DIP2B: variants seen among roughly 807,000 people sequenced by gnomAD.
The protein encoded by DIP2B is disco-interacting protein 2 homolog B.
Under a neutral mutation model 198.0 loss-of-function variants are expected in DIP2B, and 76 were observed. The observed-to-expected ratio is 0.38, with a 90% CI of 0.32 to 0.46. The LOEUF is 0.46. Ranked by LOEUF, DIP2B falls within the 20% of genes least tolerant of loss-of-function variation. The probability of loss-of-function intolerance (pLI) is 0.99; values close to 1 mark genes in which losing one functional copy is unlikely to be tolerated. For missense variants in DIP2B, 1,559 were observed against 1,978.4 expected (o/e 0.79, Z 4.02); for synonymous variants, 701 against 739.1 (o/e 0.95, Z 0.84).
chr12:50,515,547 C>G (rs181755001), intron 1 of DIP2B, among the ~76,000 whole-genome samples: 1 of 152,294 alleles, frequency 6.6e-6, no homozygotes, highest in African/African-American at 2.4e-5. Context: ...GGACTGGTAT[C>G]TTTATGAAAC....
intron 7 of DIP2B, among the ~76,000 whole-genome samples, chr12:50,678,392 A>C (rs889235259): frequency 6.6e-6 from 1 of 152,184 alleles, no homozygotes; most frequent in African/African-American, 2.4e-5. Context: ...AAAATTGTGA[A>C]ATTGCTACAA....
intron 1 of DIP2B, among the ~76,000 whole-genome samples, chr12:50,531,553 A>G (rs1958217289): frequency 6.6e-6 from 1 of 152,214 alleles, no homozygotes; most frequent in Admixed American, 6.5e-5. Flanking sequence ...TTGAGATTAC[A>G]AGCAGAGGTC....
At chr12:50,698,512 A>G (rs1939358555) in intron 18 of DIP2B, 45 bp downstream of exon 18, 1 of 1,593,062 alleles carries the variant, frequency 6.3e-7, no homozygotes, top group Non-Finnish European at 8.6e-7. Context: ...AAGATTTGTC[A>G]TCAGAGATAA....
At chr12:50,678,914 G>A (rs1002458090) in intron 8 of DIP2B, 38 bp downstream of exon 8, 2 of 1,610,114 alleles carry the variant, frequency 1.2e-6, no homozygotes, top group Admixed American at 1.7e-5. Flanking sequence ...TCTCCTGAGA[G>A]TTCTTCAGAA....
At chr12:50,536,629 G>A (rs559271016) in intron 1 of DIP2B, among the ~76,000 whole-genome samples, 2 of 150,974 alleles carry the variant, frequency 1.3e-5, no homozygotes, top group African/African-American at 4.9e-5. Flanking sequence ...GTGCAGTGGC[G>A]TGGTCTTGGC....
rs1409547611 is a variant in DIP2B at position 50,747,530 on chromosome 12, C to T, written c.*2691C>T. 6.6e-6 allele frequency: 1 copy of T among 152,174 alleles called. No homozygotes were observed. Among genetic ancestry groups the T allele is most frequent in the Non-Finnish European group, 1.5e-5 (1 of 68,040 alleles). The allele number at this position is 152,174 out of a possible 1,614,324, so 9.4% of individuals were successfully genotyped here. ...GCTTAGATGGTGTTTGTGGGATCAC[C>T]TGCAGATTTAAAGCCTACTCTGCCA... On this transcript the variant is annotated 3_prime_UTR_variant, in exon 38 of 38. Transcript: ENST00000301180.
intron 1 of DIP2B, among the ~76,000 whole-genome samples, chr12:50,569,404 C>T (rs1213361711): frequency 6.6e-6 from 1 of 152,124 alleles, no homozygotes; most frequent in East Asian, 1.9e-4. Context: ...ACTGAAAACC[C>T]AGGGGCGTGT....
chr12:50,728,442 G>A, intron 29 of DIP2B, 106 bp from the exon 30 acceptor site: 1 of 1,338,230 alleles, frequency 7.5e-7, no homozygotes, highest in Non-Finnish European at 1.0e-6. Context: ...ATTATGCATT[G>A]TTTTGAGGAG....
intron 1 of DIP2B, among the ~76,000 whole-genome samples, chr12:50,549,606 G>A (rs1958408671): frequency 2.0e-5 from 3 of 146,976 alleles, no homozygotes; most frequent in African/African-American, 5.0e-5. Context: ...GGCTGAGGCA[G>A]GAAAATCACT....
intron 3 of DIP2B, among the ~76,000 whole-genome samples, chr12:50,641,761 G>A (rs1043331170): frequency 3.3e-5 from 5 of 152,106 alleles, no homozygotes; most frequent in Non-Finnish European, 7.4e-5. Context: ...GCAGAGGAAC[G>A]ACTGGTAGAT....
intron 2 of DIP2B, among the ~76,000 whole-genome samples, chr12:50,636,228 A>G (rs998723525): frequency 1.3e-5 from 2 of 152,230 alleles, no homozygotes; most frequent in Non-Finnish European, 1.5e-5. Context: ...TCGGTAGGCA[A>G]TGTGCCTCTG....
chr12:50,706,501 A>T, intron 20 of DIP2B, 37 bp from the exon 21 acceptor site: 1 of 1,606,762 alleles, frequency 6.2e-7, no homozygotes, highest in Middle Eastern at 1.7e-4. Flanking sequence ...TACTATTTAA[A>T]TCATGGAAAT....
At chr12:50,722,456 G>GT (rs1447090108) in intron 26 of DIP2B, among the ~76,000 whole-genome samples, 5 of 151,964 alleles carry the variant, frequency 3.3e-5, no homozygotes, top group Non-Finnish European at 7.4e-5. Flanking sequence ...GTTTCACCAT[G>GT]TTGGCCAGGC....
chr12:50,730,417 A>G (rs143933050), intron 30 of DIP2B, among the ~76,000 whole-genome samples: 1,842 of 138,656 alleles, frequency 0.013, 16 homozygotes, highest in Middle Eastern at 0.021. Flanking sequence ...CAGGGTCTCA[A>G]TCTGTCACCC....
At chr12:50,636,266 G>T (rs1338556987) in intron 2 of DIP2B, among the ~76,000 whole-genome samples, 1 of 152,188 alleles carries the variant, frequency 6.6e-6, no homozygotes, top group Non-Finnish European at 1.5e-5. Flanking sequence ...AGGGTTTGAG[G>T]AGTGGAATCT....
Position 50,675,312 on chromosome 12 carries a change from C to T in DIP2B, c.797-17C>T, listed in dbSNP as rs542211518. The T allele has an allele frequency of 1.7e-5, 28 of 1,605,626 alleles. No homozygotes were observed. The Admixed American group carries it at 4.7e-4, about 27-fold the overall frequency. ...TACAGTCAATGAATTTTAACTTAAC[C>T]ATTTTTTCCCTTATAGGTGTTCCTG... On this transcript the variant is annotated splice_polypyrimidine_tract_variant and intron_variant, in intron 6 of 37. Coordinates refer to ENST00000301180, the MANE Select transcript of DIP2B (RefSeq NM_173602.3).
chr12:50,683,331 T>TTTTTACTGTTGTG, intron 10 of DIP2B, 83 bp downstream of exon 10: 1 of 1,153,840 alleles, frequency 8.7e-7, no homozygotes, highest in Non-Finnish European at 1.2e-6. Flanking sequence ...GTCACAACAG[T>TTTTTACTGTTGTG]AAAAACTGTT....
At chr12:50,626,108 A>T in intron 2 of DIP2B, 61 bp downstream of exon 2, 2 of 1,523,086 alleles carry the variant, frequency 1.3e-6, no homozygotes, top group Non-Finnish European at 1.8e-6. Context: ...ATGCTGTCTT[A>T]CAAGACCTCT....
At chr12:50,618,219 T>C (rs2139460282) in intron 1 of DIP2B, among the ~76,000 whole-genome samples, 1 of 152,318 alleles carries the variant, frequency 6.6e-6, no homozygotes, top group East Asian at 1.9e-4. Flanking sequence ...GTGGTGGTGT[T>C]ATATAGTGCC....
Sources: allele counts gnomAD v4.1 joint callset (sites outside exome capture counted in the v4.1 genomes callset), GRCh38; gene constraint gnomAD v4.1.1; transcripts MANE v1.5; gene names NCBI Gene and HGNC (gene_info 2026-07-23, HGNC 2026-07-21).